Variants in RALGDS observed in about 807,000 individuals in gnomAD.
The protein encoded by RALGDS is ral guanine nucleotide dissociation stimulator.
Under a neutral mutation model 99.8 loss-of-function variants are expected in RALGDS, and 44 were observed. The ratio of observed to expected loss-of-function variants is 0.44; its 90% CI spans 0.35 to 0.57. The LOEUF is 0.57. RALGDS is among the 20% of genes least tolerant of loss of function. RALGDS has a pLI of 0.01. For synonymous variants in RALGDS, 529 were observed against 505.0 expected (o/e 1.05, Z -0.64); for missense variants, 1,022 against 1,203.1 (o/e 0.85, Z 2.23).
At chr9:133,145,741 C>T (rs1282422340) in intron 1 of RALGDS, among the ~76,000 whole-genome samples, 1 of 152,202 alleles carries the variant, frequency 6.6e-6, no homozygotes, top group Non-Finnish European at 1.5e-5. Context: ...GCCATTGTGC[C>T]TTTCAGGGCC....
At chr9:133,113,117 T>C (rs1241284166) in intron 1 of RALGDS, among the ~76,000 whole-genome samples, 1 of 152,170 alleles carries the variant, frequency 6.6e-6, no homozygotes, top group Non-Finnish European at 1.5e-5. Context: ...AGGGACGGAA[T>C]GAGCTTGCAG....
rs1366748025 is a variant in RALGDS, at chr9:133,129,846, C to T, written c.132+1106G>A. On this transcript the variant is annotated intron_variant, in intron 1 of 17. Transcript: ENST00000372062. ...TTTTTTTTTCCCTGAGATGGAATCT[C>T]GCTCTGTCGCCCAGGCTGGAGTGCA... Among the ~76,000 whole-genome samples, 17 of 149,424 alleles carry T rather than the reference C, an allele frequency of 1.1e-4. 1 individual carries two copies. In the East Asian group the frequency reaches 1.6e-3, roughly 14 times the overall value.
intron 17 of RALGDS, chr9:133,099,321 G>A (rs148737737): frequency 3.2e-4 from 50 of 157,662 alleles, no homozygotes; most frequent in Non-Finnish European, 4.6e-4. Flanking sequence ...GTGGCTTTTC[G>A]TCATCTTTAA....
At chr9:133,131,902 C>T (rs111532266), upstream of RALGDS, among the ~76,000 whole-genome samples, 1,771 of 152,332 alleles carry the variant, frequency 0.012, 33 homozygotes, top group African/African-American at 0.04. Context: ...AGCATGGGCT[C>T]GGCTCATGGC....
chr9:133,148,814 A>T, intron 1 of RALGDS: 1 of 907,914 alleles, frequency 1.1e-6, no homozygotes, highest in Non-Finnish European at 1.6e-6. Flanking sequence ...CAGTTTCCCT[A>T]CTGTCCCGGG....
chr9:133,130,000 T>C (rs2119248214), intron 1 of RALGDS, among the ~76,000 whole-genome samples: 1 of 150,662 alleles, frequency 6.6e-6, no homozygotes, highest in East Asian at 1.9e-4. Flanking sequence ...TGAGACATCG[T>C]CTCACTCTGT....
Position 133,110,556 on chromosome 9 carries a change from A to G in RALGDS, c.295-67T>C. 2 of 1,408,420 alleles carry G rather than the reference A, an allele frequency of 1.4e-6. 1 individual carries two copies. The highest frequency in any genetic ancestry group is 2.3e-5 in the South Asian group (2 of 86,430). The allele number at this position is 1,408,420 out of a possible 1,614,324, so 87.2% of individuals were successfully genotyped here. A position where few individuals can be genotyped will look rare whatever the true frequency, so the allele number is the denominator to read the frequency against. On this transcript the variant is annotated intron_variant, in intron 2 of 17. Coordinates refer to ENST00000372050, the MANE Select transcript of RALGDS (RefSeq NM_006266.4). Reference sequence around the variant, plus strand: ...CACGAATCTCCTGGAGCTCAGATGGAACCCCGAGCCCTCAGCAGCTTGTGG... The same window carrying G: ...CACGAATCTCCTGGAGCTCAGATGGGACCCCGAGCCCTCAGCAGCTTGTGG...
chr9:133,141,394 G>A (rs1009630621), intron 1 of RALGDS, among the ~76,000 whole-genome samples: 2 of 152,198 alleles, frequency 1.3e-5, no homozygotes, highest in African/African-American at 2.4e-5. Flanking sequence ...CTCGGCTCCC[G>A]CAGTGCCCAA....
At position 133,098,763 on chromosome 9, in the gene RALGDS, C is replaced by G; in HGVS notation, c.2570-1G>C. On this transcript the variant is annotated splice_acceptor_variant, in intron 17 of 17. Coordinates refer to ENST00000372050, the MANE Select transcript of RALGDS (RefSeq NM_006266.4). LOFTEE classifies it high-confidence loss of function. ...TTGGCGTTTTCAGGGATCTTCAGCT[C>G]TGGTGGGGAGGGGCAGAGGGGTGAT... The G allele has an allele frequency of 6.2e-7, 1 of 1,613,868 alleles. No homozygotes were observed. The highest frequency in any genetic ancestry group is 8.5e-7 in the Non-Finnish European group (1 of 1,179,944).
intron 1 of RALGDS, among the ~76,000 whole-genome samples, chr9:133,113,216 G>A (rs1396107658): frequency 6.6e-5 from 10 of 152,158 alleles, no homozygotes; most frequent in Admixed American, 3.3e-4. Context: ...GTCATTAACC[G>A]CCCAGTCAGT....
intron 1 of RALGDS, among the ~76,000 whole-genome samples, chr9:133,140,845 C>T (rs1254147092): frequency 2.0e-5 from 3 of 151,928 alleles, no homozygotes; most frequent in Non-Finnish European, 2.9e-5. Context: ...GAACGTGGGC[C>T]GGGGCTGCAC....
rs529954048 is a variant in RALGDS, at chr9:133,129,379, T to A, written c.132+1573A>T. ...GGGAGGCCCTCTGCCAGTGTGCTCG[T>A]CGCCTGCGTGCCCTAGTGGAGTGGA... On this transcript the variant is annotated intron_variant, in intron 1 of 17. Transcript: ENST00000372062. The A allele has an allele frequency of 8.1e-6, 12 of 1,482,976 alleles. No individual in the cohort carries two copies. The Admixed American group carries it at 9.2e-5, about 11-fold the overall frequency. 91.9% of individuals were successfully genotyped at this position (1,482,976 alleles called of 1,614,324 possible). A position where few individuals can be genotyped will look rare whatever the true frequency, so the allele number is the denominator to read the frequency against.
chr9:133,130,865 G>T, intron 1 of RALGDS: 2 of 1,295,266 alleles, frequency 1.5e-6, no homozygotes, highest in Non-Finnish European at 2.1e-6. Flanking sequence ...ATCCTGACCT[G>T]GGGGCCAGAA....
At position 133,097,893 on chromosome 9, in the gene RALGDS, C is replaced by A. The variant is rs562776726; in HGVS notation, c.*694G>T. 6.5e-5 allele frequency: 15 copies of A among 230,672 alleles called. No individual in the cohort carries two copies. Among genetic ancestry groups the A allele is most frequent in the Non-Finnish European group, 1.2e-4 (14 of 116,434 alleles). 14.3% of individuals were successfully genotyped at this position (230,672 alleles called of 1,614,324 possible). A position where few individuals can be genotyped will look rare whatever the true frequency, so the allele number is the denominator to read the frequency against. On this transcript the variant is annotated 3_prime_UTR_variant, in exon 18 of 18. Transcript: ENST00000372050. ...CAAATCCTCCTTCCTCACTAACCCCCGTCTTGCATGGTCTCGTAAAGCCCA... is the reference window on the plus strand; with the variant it reads ...CAAATCCTCCTTCCTCACTAACCCCAGTCTTGCATGGTCTCGTAAAGCCCA...
At chr9:133,101,082 C>G in intron 16 of RALGDS, 1 of 1,124,348 alleles carries the variant, frequency 8.9e-7, no homozygotes, top group Non-Finnish European at 1.1e-6. Flanking sequence ...GACTCTGACC[C>G]TGCTGGCCCC....
intron 1 of RALGDS, 22 bp from the exon 2 acceptor site, chr9:133,112,174 G>A: frequency 6.5e-7 from 1 of 1,528,966 alleles, no homozygotes; most frequent in Non-Finnish European, 8.9e-7. Context: ...ACGCCCGGCA[G>A]CCGGGCGCGG....
chr9:133,104,368 C>G (rs1830913663), intron 9 of RALGDS, 37 bp from the exon 10 acceptor site: 8 of 1,561,018 alleles, frequency 5.1e-6, no homozygotes, highest in South Asian at 1.1e-5. Context: ...AAGGCCCTAT[C>G]CCCTCAGCCC....
intron 16 of RALGDS, 170 bp from the exon 17 acceptor site, chr9:133,100,552 A>G: frequency 2.0e-6 from 3 of 1,486,828 alleles, no homozygotes; most frequent in South Asian, 2.6e-5. Context: ...CCTACTCCCC[A>G]AGTGAGGCCT....
intron 1 of RALGDS, among the ~76,000 whole-genome samples, chr9:133,115,167 G>C (rs1174949750): frequency 6.6e-6 from 1 of 152,180 alleles, no homozygotes; most frequent in Non-Finnish European, 1.5e-5. Flanking sequence ...TCCCCGCTCA[G>C]GCCAACGGCA....
Sources: allele counts gnomAD v4.1 joint callset (sites outside exome capture counted in the v4.1 genomes callset), GRCh38; gene constraint gnomAD v4.1.1; transcripts MANE v1.5; gene names NCBI Gene and HGNC (gene_info 2026-07-23, HGNC 2026-07-21).